The following UBE2J2 variants were observed in gnomAD, a reference collection of about 807,000 sequenced individuals.
UBE2J2 encodes ubiquitin-conjugating enzyme E2 J2.
Under a neutral mutation model 28.6 loss-of-function variants are expected in UBE2J2, and 5 were observed. The ratio of observed to expected loss-of-function variants is 0.17; its 90% confidence interval spans 0.09 to 0.37. The LOEUF is 0.37. UBE2J2 is among the 10% of genes least tolerant of loss of function. The pLI, the probability that UBE2J2 is intolerant of heterozygous loss-of-function variation, is 1.00. For synonymous variants in UBE2J2, 138 were observed against 139.7 expected, an observed-to-expected ratio of 0.99 and a Z score of 0.09; for missense variants, 226 against 338.9, an observed-to-expected ratio of 0.67 and a Z score of 2.62.
Position 1,272,149 on chromosome 1 carries a change from C to CA in UBE2J2, c.-1+1516dup, listed in dbSNP as rs796701172. Among the ~76,000 whole-genome samples the CA allele has an allele frequency of 3.3e-3, 472 of 144,498 alleles. 4 individuals are homozygous for CA. Among genetic ancestry groups the CA allele is most frequent in the South Asian group, 7.0e-3 (32 of 4,558 alleles). The allele number at this position is 144,498 out of a possible 152,430, so 94.8% of individuals were successfully genotyped here. ...AGCTGGGCCAACAGAGACCCTGTAT[C>CA]AAAAAAAAAAAATTCCACAAAGGAA... is the stretch of plus-strand genomic sequence containing the variant. On this transcript the variant is annotated intron_variant, in intron 1 of 6. Transcript: ENST00000349431.
chr1:1,264,279 C>A (rs1639723184), intron 2 of UBE2J2, among the ~76,000 whole-genome samples: 1 of 152,220 alleles, frequency 6.6e-6, no homozygotes, highest in Admixed American at 6.5e-5. Flanking sequence ...CTCCTCCACA[C>A]AAATAAATAA....
intron 6 of UBE2J2, 63 bp from the exon 7 acceptor site, chr1:1,255,550 C>G: frequency 6.5e-7 from 1 of 1,546,250 alleles, no homozygotes; most frequent in South Asian, 1.2e-5. Flanking sequence ...GACCAGCACT[C>G]CCGTTCTCAG....
chr1:1,256,963 G>T, intron 5 of UBE2J2, 29 bp downstream of exon 5: 1 of 1,455,030 alleles, frequency 6.9e-7, no homozygotes, highest in Non-Finnish European at 9.1e-7. Flanking sequence ...AAGGCTGACG[G>T]CCCACCAGGG....
intron 2 of UBE2J2, 127 bp downstream of exon 2, chr1:1,267,735 C>T (rs1014429724): frequency 2.3e-5 from 36 of 1,532,476 alleles, no homozygotes; most frequent in Non-Finnish European, 2.6e-5. Context: ...CCACTCACCC[C>T]GGGGGAGGGT....
intron 2 of UBE2J2, among the ~76,000 whole-genome samples, chr1:1,267,042 T>C (rs1168454152): frequency 6.6e-6 from 1 of 151,664 alleles, no homozygotes; most frequent in South Asian, 2.1e-4. Flanking sequence ...GTGTGCGCCA[T>C]CATGCCCAGC....
intron 3 of UBE2J2, among the ~76,000 whole-genome samples, chr1:1,259,585 G>A (rs964598951): frequency 3.3e-5 from 5 of 152,178 alleles, no homozygotes; most frequent in Admixed American, 2.6e-4. Flanking sequence ...CATCCACTCT[G>A]AATCTAGGCT....
chr1:1,267,661 G>C (rs1639945687), intron 2 of UBE2J2: 62 of 1,322,742 alleles, frequency 4.7e-5, no homozygotes, highest in Non-Finnish European at 5.7e-5. Flanking sequence ...GCATGGCTCT[G>C]TGATGTCCCC....
chr1:1,259,961 G>T (rs999487906), intron 3 of UBE2J2, among the ~76,000 whole-genome samples: 1 of 152,208 alleles, frequency 6.6e-6, no homozygotes, highest in Non-Finnish European at 1.5e-5. Flanking sequence ...TTTCCCTCGT[G>T]TCTCTCTCTT....
In UBE2J2 at chr1:1,263,052, C is replaced by G. The variant is rs945933223; in HGVS notation, c.172+294G>C. On this transcript the variant is annotated intron_variant, in intron 3 of 6. Coordinates refer to ENST00000349431, the MANE Select transcript of UBE2J2 (RefSeq NM_058167.3). Reference sequence around the variant, plus strand: ...CACTGGGTCTTAAGAAATAGTAGAACAGGCCAGCTTCAGTGTTTACCCCGG... The same window carrying G: ...CACTGGGTCTTAAGAAATAGTAGAAGAGGCCAGCTTCAGTGTTTACCCCGG... The G allele has an allele frequency of 3.3e-5, 12 of 361,048 alleles. No homozygotes were observed. In the South Asian group the frequency reaches 4.4e-4, roughly 13 times the overall value. 22.4% of individuals were successfully genotyped at this position (361,048 alleles called of 1,614,324 possible).
chr1:1,266,014 T>A, intron 2 of UBE2J2: 3 of 1,288,046 alleles, frequency 2.3e-6, no homozygotes, highest in Non-Finnish European at 3.1e-6. Context: ...GACCCACAGA[T>A]TTGTGGGGAG....
chr1:1,263,668 TTAA>T (rs982091819), intron 2 of UBE2J2: 32 of 319,850 alleles, frequency 1.0e-4, no homozygotes, highest in African/African-American at 5.2e-4. Flanking sequence ...GAAGCTCATC[TTAA>T]TAATAACTGA....
At chr1:1,265,004 T>C (rs1039133597) in intron 2 of UBE2J2, among the ~76,000 whole-genome samples, 8 of 152,204 alleles carry the variant, frequency 5.3e-5, no homozygotes, top group Admixed American at 1.3e-4. Flanking sequence ...GCCATTATCA[T>C]GTGTCATTGA....
At chr1:1,257,603 G>C (rs1311620141) in intron 3 of UBE2J2, among the ~76,000 whole-genome samples, 3 of 147,756 alleles carry the variant, frequency 2.0e-5, no homozygotes, top group Admixed American at 2.0e-4. Flanking sequence ...GACAACCACA[G>C]CTACTGCACA....
At chr1:1,258,911 A>G (rs1639371253) in intron 3 of UBE2J2, among the ~76,000 whole-genome samples, 1 of 152,256 alleles carries the variant, frequency 6.6e-6, no homozygotes. Context: ...TTGGAAATTC[A>G]GAGCTTGGGG....
At chr1:1,262,363 A>G (rs750185234) in intron 3 of UBE2J2, 119 of 455,982 alleles carry the variant, frequency 2.6e-4, no homozygotes, top group Non-Finnish European at 3.8e-4. Context: ...TGGCTGCCCT[A>G]GTTGCAGATG....
rs1639239354 is a variant in UBE2J2 at position 1,257,230 on chromosome 1, C to T, written c.253G>A (p.Gly85Arg). ...PPSIYMITPN[G>R]RFKCNTRLCL... ...TACCTGGTGTTGCACTTAAACCTCC[C>T]GTTGGGAGTGATCATATAGATACTG... is the stretch of plus-strand genomic sequence containing the variant. Residue 85 changes from glycine to arginine, a missense_variant, in exon 4 of 7, where the codon GGG (glycine) becomes AGG (arginine). Physicochemically the swap from Gly to Arg is moderately radical, Grantham distance 125. Around this residue, in one of 3 missense-constraint regions of UBE2J2, gnomAD observed 80 missense variants for 114.5 expected, o/e 0.70. Transcript: ENST00000349431. 1 of 1,612,480 alleles carries T rather than the reference C, an allele frequency of 6.2e-7. No individual in the cohort carries two copies. Among genetic ancestry groups the T allele is most frequent in the Non-Finnish European group, 8.5e-7 (1 of 1,179,350 alleles).
intron 1 of UBE2J2, among the ~76,000 whole-genome samples, chr1:1,270,716 G>A (rs954717581): frequency 2.6e-4 from 39 of 152,036 alleles, no homozygotes; most frequent in South Asian, 2.3e-3. Context: ...ATACTGTTCC[G>A]ATCACCCACT....
At chr1:1,265,922 T>C (rs900089142) in intron 2 of UBE2J2, among the ~76,000 whole-genome samples, 4 of 152,126 alleles carry the variant, frequency 2.6e-5, no homozygotes, top group African/African-American at 9.7e-5. Context: ...CATGAGCCAC[T>C]GTGCCTGGAC....
At position 1,255,104 on chromosome 1, in the gene UBE2J2, TG is replaced by T. The variant is rs1355388764; in HGVS notation, c.*98del. 9 of 1,315,170 alleles carry T rather than the reference TG, an allele frequency of 6.8e-6. No individual in the cohort carries two copies. In the Admixed American group the frequency reaches 8.5e-5, roughly 12 times the overall value. 81.5% of individuals were successfully genotyped at this position (1,315,170 alleles called of 1,614,324 possible). A position where few individuals can be genotyped will look rare whatever the true frequency, so the allele number is the denominator to read the frequency against. ...TTTTTAAAAGCTAAACCTAGGAGCC[TG>T]GTGGGTCTGCCTGTGCTGGGCAGTG... On this transcript the variant is annotated 3_prime_UTR_variant, in exon 7 of 7. Transcript: ENST00000349431.
Sources: allele counts gnomAD v4.1 joint callset (sites outside exome capture counted in the v4.1 genomes callset), GRCh38; gene constraint gnomAD v4.1.1; regional missense constraint gnomAD v4.1.1; transcripts MANE v1.5; gene names NCBI Gene and HGNC (gene_info 2026-07-23, HGNC 2026-07-21).